Variants in EIF4EBP2 observed in about 807,000 individuals in gnomAD.
The protein encoded by EIF4EBP2 is eukaryotic translation initiation factor 4E binding protein 2, also known as eukaryotic translation initiation factor 4E-binding protein 2.
EIF4EBP2 carries 5 observed loss-of-function variants against 10.3 expected under a neutral mutation model. The ratio of observed to expected loss-of-function variants is 0.48; its 90% CI spans 0.25 to 1.02. The LOEUF (loss-of-function observed/expected upper bound fraction) is 1.02, where lower values mean the gene tolerates loss of function less well. Among genes scored for constraint, EIF4EBP2 ranks in the 50% least tolerant of loss-of-function variants. The pLI is 0.15. For missense variants in EIF4EBP2, 188 were observed against 162.2 expected (o/e 1.16, Z -0.86); for synonymous variants, 67 against 61.1 (o/e 1.10, Z -0.45).
Position 70,405,207 on chromosome 10 carries a change from G to T in EIF4EBP2, c.145+661G>T, listed in dbSNP as rs539233831. 3.9e-5 allele frequency among the ~76,000 whole-genome samples: 6 copies of T among 152,304 alleles called. No individual in the cohort carries two copies. The East Asian group carries it at 1.2e-3, about 29-fold the overall frequency. ...AAGTAGGTGGGGGTGGTAGGGTGCT[G>T]ACAGCCTTAAGGTAGGGTGTCTTTC... On this transcript the variant is annotated intron_variant, in intron 1 of 2. Coordinates refer to ENST00000373218, the MANE Select transcript of EIF4EBP2 (RefSeq NM_004096.5).
At chr10:70,420,576 A>G (rs1044936988) in intron 2 of EIF4EBP2, among the ~76,000 whole-genome samples, 1 of 152,062 alleles carries the variant, frequency 6.6e-6, no homozygotes, top group Non-Finnish European at 1.5e-5. Context: ...TTCTTGAAAT[A>G]CTCTGAAAAC....
chr10:70,421,794 T>A lies in EIF4EBP2; in HGVS notation c.*47T>A. The A allele has an allele frequency of 6.3e-7, 1 of 1,596,124 alleles. No individual in the cohort carries two copies. The highest frequency in any genetic ancestry group is 8.6e-7 in the Non-Finnish European group (1 of 1,165,870). ...AAAAGCAGCAACACTGATACTTGTG[T>A]GCACCTGATTTGGCCAATAGGATCA... is the stretch of plus-strand genomic sequence containing the variant. On this transcript the variant is annotated 3_prime_UTR_variant, in exon 3 of 3. Transcript: ENST00000373218.
chr10:70,405,501 A>G (rs578135110), intron 1 of EIF4EBP2, among the ~76,000 whole-genome samples: 1 of 152,300 alleles, frequency 6.6e-6, no homozygotes, highest in Admixed American at 6.5e-5. Flanking sequence ...CTGGAAAGCG[A>G]TTTTGAGGAG....
At chr10:70,410,334 T>C (rs1007286647) in intron 1 of EIF4EBP2, among the ~76,000 whole-genome samples, 1 of 151,948 alleles carries the variant, frequency 6.6e-6, no homozygotes, top group Non-Finnish European at 1.5e-5. Context: ...CCTCCCAGAG[T>C]GCTGGGATTG....
Position 70,419,910 on chromosome 10 carries a change from C to T in EIF4EBP2, c.146-4C>T. 4.5e-6 allele frequency: 7 copies of T among 1,563,658 alleles called. No homozygotes were observed. The highest frequency in any genetic ancestry group is 2.0e-5 in the Admixed American group (1 of 49,274). On this transcript the variant is annotated splice_region_variant and splice_polypyrimidine_tract_variant and intron_variant, in intron 1 of 2. Coordinates refer to ENST00000373218, the MANE Select transcript of EIF4EBP2 (RefSeq NM_004096.5). The stretch of plus-strand genomic sequence containing the variant: ...TTCAAACTCTTTTTAACCCTGTTTT[C>T]CAGGAACTCGAATCATTTATGACAG...
At chr10:70,418,945 G>A (rs1357436687) in intron 1 of EIF4EBP2, among the ~76,000 whole-genome samples, 1 of 152,150 alleles carries the variant, frequency 6.6e-6, no homozygotes, top group Admixed American at 6.5e-5. Context: ...CCCCCGAGTA[G>A]TAGGGACTTC....
At position 70,404,321 on chromosome 10, in the gene EIF4EBP2, C is replaced by T; in HGVS notation, c.-81C>T. 7.0e-7 allele frequency: 1 copy of T among 1,435,286 alleles called. No homozygotes were observed. The highest frequency in any genetic ancestry group is 9.1e-7 in the Non-Finnish European group (1 of 1,099,324). The allele number at this position is 1,435,286 out of a possible 1,614,324, so 88.9% of individuals were successfully genotyped here. On this transcript the variant is annotated 5_prime_UTR_variant, in exon 1 of 3. Transcript: ENST00000373218. Reference sequence around the variant, plus strand: ...GAGCGCGCAGAGCGCGCTTTTCCGTCCGCCTGAGGAGCCGAAGCAGCCCCG... The same window carrying T: ...GAGCGCGCAGAGCGCGCTTTTCCGTTCGCCTGAGGAGCCGAAGCAGCCCCG...
In EIF4EBP2 at chr10:70,424,364, CAG is replaced by C. The variant is rs1320344463; in HGVS notation, c.*2620_*2621del. 1 of 152,186 alleles carries C rather than the reference CAG, an allele frequency of 6.6e-6. No homozygotes were observed. The highest frequency in any genetic ancestry group is 1.5e-5 in the Non-Finnish European group (1 of 68,030). The allele number at this position is 152,186 out of a possible 1,614,324, so 9.4% of individuals were successfully genotyped here. A position where few individuals can be genotyped will look rare whatever the true frequency, so the allele number is the denominator to read the frequency against. On this transcript the variant is annotated 3_prime_UTR_variant, in exon 3 of 3. Coordinates refer to ENST00000373218, the MANE Select transcript of EIF4EBP2 (RefSeq NM_004096.5). ...CTTACAGCTTGGTGCAGTTCTTTCC[CAG>C]AGGCCACCACTACTAGACAGTCTTT...
At position 70,427,247 on chromosome 10, in the gene EIF4EBP2, A is replaced by G. The variant is rs1181289049; in HGVS notation, c.*5500A>G. On this transcript the variant is annotated 3_prime_UTR_variant, in exon 3 of 3. Coordinates refer to ENST00000373218, the MANE Select transcript of EIF4EBP2 (RefSeq NM_004096.5). ...GAAGGTGTGGTATTTGTTTTAAAGA[A>G]ACATTGTTTCTTTGGGAGGGCAGTT... The G allele has an allele frequency of 6.6e-6, 1 of 152,188 alleles. No homozygotes were observed. The highest frequency in any genetic ancestry group is 2.4e-5 in the African/African-American group (1 of 41,442). The allele number at this position is 152,188 out of a possible 1,614,324, so 9.4% of individuals were successfully genotyped here.
At chr10:70,406,854 A>G (rs1012369132) in intron 1 of EIF4EBP2, among the ~76,000 whole-genome samples, 3 of 152,158 alleles carry the variant, frequency 2.0e-5, no homozygotes, top group African/African-American at 7.2e-5. Context: ...TTGAGCTTGT[A>G]TTTATTGGGA....
intron 1 of EIF4EBP2, among the ~76,000 whole-genome samples, chr10:70,407,631 A>C (rs1183639168): frequency 6.6e-6 from 1 of 151,524 alleles, no homozygotes; most frequent in Non-Finnish European, 1.5e-5. Flanking sequence ...GCTGTTGAGT[A>C]CACCTCCCAG....
chr10:70,414,151 T>C (rs1330150128), intron 1 of EIF4EBP2, among the ~76,000 whole-genome samples: 1 of 152,220 alleles, frequency 6.6e-6, no homozygotes, highest in African/African-American at 2.4e-5. Context: ...TAATATTCAA[T>C]AAAGGAAATA....
chr10:70,421,863 A>G lies in EIF4EBP2; in HGVS notation c.*116A>G. The G allele has an allele frequency of 1.1e-6, 1 of 903,178 alleles. No homozygotes were observed. The highest frequency in any genetic ancestry group is 1.8e-6 in the Non-Finnish European group (1 of 569,738). The allele number at this position is 903,178 out of a possible 1,614,324, so 55.9% of individuals were successfully genotyped here. ...AGGCAATACCAGCAGTCCCCATTACAGTCTCCACCTCCCCGTCTTCCTCTG... is the reference window on the plus strand; with the variant it reads ...AGGCAATACCAGCAGTCCCCATTACGGTCTCCACCTCCCCGTCTTCCTCTG... On this transcript the variant is annotated 3_prime_UTR_variant, in exon 3 of 3. Coordinates refer to ENST00000373218, the MANE Select transcript of EIF4EBP2 (RefSeq NM_004096.5).
chr10:70,405,381 A>G (rs902100468), intron 1 of EIF4EBP2, among the ~76,000 whole-genome samples: 20 of 152,220 alleles, frequency 1.3e-4, no homozygotes, highest in African/African-American at 4.3e-4. Context: ...AAGCATGACC[A>G]GGAACTGTTT....
Position 70,404,515 on chromosome 10 carries a change from C to G in EIF4EBP2, c.114C>G (p.Pro38=). ...AQLPHDYCTT[P]GGTLFSTTPG... ...TACCTCATGACTATTGCACCACGCC[C>G]GGGGGGACGCTCTTCTCCACCACAC... is the stretch of plus-strand genomic sequence containing the variant. Residue 38 remains proline, a synonymous_variant, in exon 1 of 3, where the codon CCC becomes CCG. Transcript: ENST00000373218. The G allele has an allele frequency of 6.3e-7, 1 of 1,590,438 alleles. No homozygotes were observed. The highest frequency in any genetic ancestry group is 8.5e-7 in the Non-Finnish European group (1 of 1,171,598).
chr10:70,419,275 A>G (rs1002402735), intron 1 of EIF4EBP2, among the ~76,000 whole-genome samples: 1 of 152,234 alleles, frequency 6.6e-6, no homozygotes, highest in Admixed American at 6.5e-5. Flanking sequence ...TTTATCAGTT[A>G]AAGTGTACTC....
Position 70,406,449 on chromosome 10 carries a change from G to A in EIF4EBP2, c.145+1903G>A, listed in dbSNP as rs551302195. 3.9e-5 allele frequency among the ~76,000 whole-genome samples: 6 copies of A among 152,272 alleles called. No homozygotes were observed. The South Asian group carries it at 1.2e-3, about 32-fold the overall frequency. ...GTGGTATTGCTCAGTAAATGCCTGT[G>A]CTTCCAGAAGTTCAGAACACGTCAT... On this transcript the variant is annotated intron_variant, in intron 1 of 2. Transcript: ENST00000373218.
intron 1 of EIF4EBP2, among the ~76,000 whole-genome samples, chr10:70,407,927 C>T (rs1358998259): frequency 6.7e-5 from 8 of 118,770 alleles, no homozygotes; most frequent in Non-Finnish European, 1.4e-4. Context: ...CCAGTAGGAG[C>T]GGCCGGGCAG....
intron 1 of EIF4EBP2, among the ~76,000 whole-genome samples, chr10:70,414,764 A>G (rs1019838311): frequency 6.6e-6 from 1 of 151,978 alleles, no homozygotes; most frequent in Non-Finnish European, 1.5e-5. Context: ...GCTATTTGGG[A>G]GGCTGAGGCA....
Sources: allele counts gnomAD v4.1 joint callset (sites outside exome capture counted in the v4.1 genomes callset), GRCh38; gene constraint gnomAD v4.1.1; transcripts MANE v1.5; gene names NCBI Gene and HGNC (gene_info 2026-07-23, HGNC 2026-07-21).